ANKRD42: variants seen among roughly 807,000 people sequenced by gnomAD.
The protein encoded by ANKRD42 is ankyrin repeat domain 42, also known as ankyrin repeat domain-containing protein 42.
In ANKRD42, 43 loss-of-function variants were observed where a neutral mutation model predicts 51.5. That is an observed-to-expected ratio of 0.83 (90% CI 0.65 to 1.08). The LOEUF is 1.08. Ranked by LOEUF, ANKRD42 falls within the 50% of genes least tolerant of loss-of-function variation. ANKRD42 has a pLI of 0.00. For synonymous variants in ANKRD42, 203 were observed against 213.0 expected (o/e 0.95, Z 0.41); for missense variants, 608 against 629.3 (o/e 0.97, Z 0.36).
intron 5 of ANKRD42, chr11:83,212,965 C>A: frequency 6.4e-7 from 1 of 1,564,844 alleles, no homozygotes; most frequent in Non-Finnish European, 8.5e-7. Flanking sequence ...CCTCTCTCGG[C>A]GCTGCCTACG....
Position 83,211,626 on chromosome 11 carries a change from C to T in ANKRD42, c.586+196C>T, listed in dbSNP as rs568363326. The stretch of plus-strand genomic sequence containing the variant: ...AGCCTGGGCAACATAGTGAGACCCA[C>T]TCTCTACAAAAAAAAAAAAAAGTAA... On this transcript the variant is annotated intron_variant, in intron 5 of 10. Coordinates refer to ENST00000533342, the MANE Select transcript of ANKRD42 (RefSeq NM_001300975.2). 2.2e-4 allele frequency among the ~76,000 whole-genome samples: 33 copies of T among 148,618 alleles called. No individual in the cohort carries two copies. In the South Asian group the frequency reaches 6.8e-3, roughly 31 times the overall value.
Position 83,248,772 on chromosome 11 carries a change from T to A in ANKRD42, c.*568T>A. ...TGTTAAAAACAAGATAGATGTTCCT[T>A]CTGACACTAAGTTCCACTCTCCAGA... is the stretch of plus-strand genomic sequence containing the variant. On this transcript the variant is annotated 3_prime_UTR_variant, in exon 11 of 11. Transcript: ENST00000533342. The A allele has an allele frequency of 1.0e-6, 1 of 976,512 alleles. No individual in the cohort carries two copies. The highest frequency in any genetic ancestry group is 1.2e-6 in the Non-Finnish European group (1 of 821,780). 60.5% of individuals were successfully genotyped at this position (976,512 alleles called of 1,614,324 possible).
At chr11:83,209,351 G>C (rs1862211894) in intron 3 of ANKRD42, 44 of 1,353,994 alleles carry the variant, frequency 3.2e-5, no homozygotes, top group Non-Finnish European at 4.5e-5. Flanking sequence ...GCTGGGAGTT[G>C]CTTGGAGGTT....
chr11:83,222,750 G>A (rs1862752967), intron 5 of ANKRD42, among the ~76,000 whole-genome samples: 1 of 152,164 alleles, frequency 6.6e-6, no homozygotes, highest in Non-Finnish European at 1.5e-5. Context: ...AGAAGTAAGA[G>A]GAGCCATTAG....
intron 5 of ANKRD42, among the ~76,000 whole-genome samples, chr11:83,223,639 C>A (rs1164612790): frequency 6.6e-6 from 1 of 152,038 alleles, no homozygotes; most frequent in African/African-American, 2.4e-5. Flanking sequence ...GCTTATAAGA[C>A]TTTTAAGTGT....
Position 83,224,752 on chromosome 11 carries a change from C to G in ANKRD42, c.587-103C>G, listed in dbSNP as rs898416142. 3 of 973,200 alleles carry G rather than the reference C, an allele frequency of 3.1e-6. No homozygotes were observed. In the African/African-American group the frequency reaches 5.0e-5, roughly 16 times the overall value. The allele number at this position is 973,200 out of a possible 1,614,324, so 60.3% of individuals were successfully genotyped here. ...TGAGCTATGATTGTGCCACTGCACT[C>G]CAGCCTGGGTTACAGAGCAAGATCT... On this transcript the variant is annotated intron_variant, in intron 5 of 10. Coordinates refer to ENST00000533342, the MANE Select transcript of ANKRD42 (RefSeq NM_001300975.2).
intron 5 of ANKRD42, among the ~76,000 whole-genome samples, chr11:83,220,712 C>G (rs537798875): frequency 6.6e-6 from 1 of 152,120 alleles, no homozygotes; most frequent in Admixed American, 6.6e-5. Context: ...CTTTTTCCTT[C>G]CTAGCCTGTG....
chr11:83,198,737 T>G lies in ANKRD42; in HGVS notation c.222+95T>G. On this transcript the variant is annotated intron_variant, in intron 2 of 10. Transcript: ENST00000533342. ...AGGGCTGAGACCTTATGGTAGGTAC[T>G]GCATATATTTTCTTTTCAGTCATAG... 5 of 1,136,708 alleles carry G rather than the reference T, an allele frequency of 4.4e-6. No individual in the cohort carries two copies. In the South Asian group the frequency reaches 8.1e-5, roughly 18 times the overall value. 70.4% of individuals were successfully genotyped at this position (1,136,708 alleles called of 1,614,324 possible). A position where few individuals can be genotyped will look rare whatever the true frequency, so the allele number is the denominator to read the frequency against.
intron 9 of ANKRD42, among the ~76,000 whole-genome samples, chr11:83,242,579 T>TTTTTATTTTTA (rs1554998960): frequency 6.8e-6 from 1 of 146,542 alleles, no homozygotes; most frequent in African/African-American, 2.5e-5. Context: ...TTTTTTTTTT[T>TTTTTATTTTTA]TTTTTTAGAT....
At chr11:83,204,321 A>G (rs758733241) in intron 2 of ANKRD42, among the ~76,000 whole-genome samples, 9 of 152,332 alleles carry the variant, frequency 5.9e-5, no homozygotes, top group Non-Finnish European at 1.2e-4. Flanking sequence ...TGTTGGCACA[A>G]TTACACATAT....
chr11:83,258,001 G>A (rs924216544), downstream of ANKRD42, among the ~76,000 whole-genome samples: 3 of 152,180 alleles, frequency 2.0e-5, no homozygotes, highest in South Asian at 2.1e-4. Context: ...AAAATGTTAC[G>A]TAAAACCTTA....
At position 83,248,005 on chromosome 11, in the gene ANKRD42, G is replaced by A. The variant is rs1296560398; in HGVS notation, c.1385G>A (p.Cys462Tyr). 1 of 1,613,422 alleles carries A rather than the reference G, an allele frequency of 6.2e-7. No homozygotes were observed. Among genetic ancestry groups the A allele is most frequent in the African/African-American group, 1.3e-5 (1 of 75,018 alleles). Reference protein sequence around the residue: ...YERLRREKLECQLDEYRAEVD... With the variant: ...YERLRREKLEYQLDEYRAEVD... ...CGACTACGTAGAGAAAAATTAGAAT[G>A]TCAGCTTGATGAATATCGAGCAGAA... The change falls in exon 11 of 11, where the codon TGT (cysteine) becomes TAT (tyrosine). Residue 462 changes from cysteine (C) to tyrosine (Y), a missense_variant. Physicochemically the swap from Cys to Tyr is radical, Grantham distance 194. Transcript: ENST00000533342.
At chr11:83,253,357 GA>G (rs779993733), downstream of ANKRD42, among the ~76,000 whole-genome samples, 1 of 152,198 alleles carries the variant, frequency 6.6e-6, no homozygotes, top group Non-Finnish European at 1.5e-5. Context: ...CAAGAAGGTG[GA>G]ATTCTCTTAT....
At chr11:83,241,359 G>A (rs1008424315) in intron 9 of ANKRD42, among the ~76,000 whole-genome samples, 1 of 152,192 alleles carries the variant, frequency 6.6e-6, no homozygotes, top group African/African-American at 2.4e-5. Context: ...TCGAATGGTG[G>A]TAGTCAGGAG....
rs955366671 is a variant in ANKRD42 at position 83,227,851 on chromosome 11, G to A, written c.892G>A (p.Gly298Arg). The A allele has an allele frequency of 6.2e-7, 1 of 1,610,216 alleles. No individual in the cohort carries two copies. The highest frequency in any genetic ancestry group is 1.7e-4 in the Middle Eastern group (1 of 6,040). Residue 298 changes from glycine (G) to arginine (R), a missense_variant, in exon 7 of 11, where the codon GGA becomes AGA. Gly to Arg is a moderately radical substitution (Grantham distance 125). Coordinates refer to ENST00000533342, the MANE Select transcript of ANKRD42 (RefSeq NM_001300975.2). ...CAATATTAATGAGCGTGCTGATAAT[G>A]GATCAACTCCTATGCATAAAGGTGA... ...VININERADN[G>R]STPMHKAAGQ... is the part of the protein sequence containing the mutation.
Position 83,193,764 on chromosome 11 carries a change from C to A in ANKRD42, c.-907C>A. The A allele has an allele frequency of 4.5e-6, 2 of 441,236 alleles. No homozygotes were observed. The highest frequency in any genetic ancestry group is 4.5e-6 in the Non-Finnish European group (1 of 220,010). The allele number at this position is 441,236 out of a possible 1,614,324, so 27.3% of individuals were successfully genotyped here. ...GCCTCTCCAGCCAAGTGGCTGGAGT[C>A]GGGAGGCTGGAAAGAGACTCCGAGA... On this transcript the variant is annotated 5_prime_UTR_variant, in exon 1 of 11. Coordinates refer to ENST00000533342, the MANE Select transcript of ANKRD42 (RefSeq NM_001300975.2).
intron 7 of ANKRD42, among the ~76,000 whole-genome samples, chr11:83,231,165 C>T (rs1164342911): frequency 1.3e-5 from 2 of 152,186 alleles, no homozygotes; most frequent in African/African-American, 4.8e-5. Flanking sequence ...TACAAATTTA[C>T]ATTCTCACCA....
intron 5 of ANKRD42, chr11:83,214,459 A>T: frequency 3.1e-6 from 3 of 980,736 alleles, no homozygotes; most frequent in Non-Finnish European, 3.6e-6. Flanking sequence ...AAAAAATCCA[A>T]TTGTTTCTTT....
intron 1 of ANKRD42, among the ~76,000 whole-genome samples, chr11:83,198,032 T>C (rs1861725511): frequency 6.6e-6 from 1 of 152,204 alleles, no homozygotes; most frequent in Admixed American, 6.5e-5. Flanking sequence ...TCTATGAAAG[T>C]GTAGTGGCTC....
Sources: gnomAD v4.1 joint callset for allele counts (sites outside exome capture counted in the v4.1 genomes callset) on GRCh38, gnomAD v4.1.1 for gene constraint, MANE v1.5 for transcripts, NCBI Gene and HGNC (gene_info 2026-07-23, HGNC 2026-07-21) for gene names.